Variants in RAB6B observed in about 807,000 individuals in gnomAD.
The protein encoded by RAB6B is ras-related protein Rab-6B.
Under a neutral mutation model 31.2 loss-of-function variants are expected in RAB6B, and 7 were observed. The observed-to-expected ratio is 0.22, with a 90% CI of 0.13 to 0.42. The LOEUF is 0.42. Ranked by LOEUF, RAB6B falls within the 10% of genes least tolerant of loss-of-function variation. The pLI is 1.00. For synonymous variants in RAB6B, 105 were observed against 104.9 expected (o/e 1.00, Z -0.01); for missense variants, 149 against 280.6 (o/e 0.53, Z 3.35).
intron 1 of RAB6B, among the ~76,000 whole-genome samples, chr3:133,884,564 T>C (rs1232915215): frequency 6.6e-6 from 1 of 152,064 alleles, no homozygotes; most frequent in Non-Finnish European, 1.5e-5. Context: ...TAGGGGAAAA[T>C]ATCCAAGAAA....
chr3:133,844,608 A>G (rs1205692365), intron 2 of RAB6B, among the ~76,000 whole-genome samples: 4 of 152,236 alleles, frequency 2.6e-5, no homozygotes, highest in African/African-American at 9.6e-5. Context: ...GGAAAAATAC[A>G]AGAAATAACA....
intron 1 of RAB6B, among the ~76,000 whole-genome samples, 161 bp from the exon 2 acceptor site, chr3:133,864,803 G>A (rs3811645): frequency 0.27 from 41,759 of 152,046 alleles, 6,555 homozygotes; most frequent in Non-Finnish European, 0.37. Context: ...TAGGGACCCC[G>A]TGGTGAGGCC....
At chr3:133,886,995 T>C (rs1559914735) in intron 1 of RAB6B, among the ~76,000 whole-genome samples, 1 of 120,838 alleles carries the variant, frequency 8.3e-6, no homozygotes. Context: ...AAGCCCAGGA[T>C]GCAGGAGGAC....
intron 1 of RAB6B, among the ~76,000 whole-genome samples, chr3:133,877,605 A>G (rs541921803): frequency 5.9e-5 from 9 of 152,314 alleles, no homozygotes; most frequent in Non-Finnish European, 1.3e-4. Context: ...CTGGTATCCA[A>G]TAAAAAATTA....
chr3:133,894,085 C>A (rs555121565), intron 1 of RAB6B, among the ~76,000 whole-genome samples: 2 of 152,368 alleles, frequency 1.3e-5, no homozygotes, highest in Admixed American at 1.3e-4. Flanking sequence ...CCATAACCCT[C>A]ATGTACACAC....
rs1649230195 is a variant in RAB6B, at chr3:133,850,926, C to CG, written c.130-9264_130-9263insC. On this transcript the variant is annotated intron_variant, in intron 2 of 7. Transcript: ENST00000285208. ...ACAGTAGCCAGAGGAAAATGACACA[C>CG]CTCACGCAAGGAAATAACAGGGATG... Among the ~76,000 whole-genome samples the CG allele has an allele frequency of 2.6e-5, 4 of 151,136 alleles. 1 individual carries two copies. The highest frequency in any genetic ancestry group is 9.7e-5 in the African/African-American group (4 of 41,162).
intron 2 of RAB6B, among the ~76,000 whole-genome samples, chr3:133,854,025 T>C (rs1936039191): frequency 6.6e-6 from 1 of 152,184 alleles, no homozygotes; most frequent in Non-Finnish European, 1.5e-5. Context: ...AAAGGCTACA[T>C]ATTCTAGCCC....
At chr3:133,859,258 T>A (rs1240176757) in intron 2 of RAB6B, among the ~76,000 whole-genome samples, 1 of 152,192 alleles carries the variant, frequency 6.6e-6, no homozygotes, top group Admixed American at 6.5e-5. Context: ...GGATTACAGG[T>A]GTGAACCCCC....
At chr3:133,836,371 G>A (rs1055872344) in intron 6 of RAB6B, among the ~76,000 whole-genome samples, 3 of 152,232 alleles carry the variant, frequency 2.0e-5, no homozygotes, top group Admixed American at 6.5e-5. Context: ...TGGCCAAAAT[G>A]CCACTAGGGA....
intron 1 of RAB6B, among the ~76,000 whole-genome samples, chr3:133,887,901 C>G (rs1936571602): frequency 6.6e-6 from 1 of 152,184 alleles, no homozygotes; most frequent in African/African-American, 2.4e-5. Context: ...CCCATAGGCT[C>G]TATCAACTCC....
At chr3:133,837,415 C>T (rs1285486862) in intron 6 of RAB6B, among the ~76,000 whole-genome samples, 4 of 152,128 alleles carry the variant, frequency 2.6e-5, no homozygotes, top group African/African-American at 9.7e-5. Flanking sequence ...GTTCAAGATA[C>T]CTGCAACACT....
intron 2 of RAB6B, among the ~76,000 whole-genome samples, chr3:133,842,639 CA>C (rs1490934029): frequency 1.3e-5 from 2 of 152,016 alleles, no homozygotes; most frequent in Non-Finnish European, 2.9e-5. Flanking sequence ...AACAAATAAA[CA>C]AAAAACAGGT....
At chr3:133,834,932 G>GC (rs2107987491) in intron 6 of RAB6B, among the ~76,000 whole-genome samples, 1 of 152,336 alleles carries the variant, frequency 6.6e-6, no homozygotes, top group South Asian at 2.1e-4. Flanking sequence ...TTAGGTCATG[G>GC]CAGTGACTGC....
chr3:133,886,119 C>A (rs920539235), intron 1 of RAB6B, among the ~76,000 whole-genome samples: 6 of 152,170 alleles, frequency 3.9e-5, no homozygotes, highest in Non-Finnish European at 8.8e-5. Flanking sequence ...AATCCCACCA[C>A]CCTGAACCAC....
At chr3:133,860,698 T>C (rs575960866) in intron 2 of RAB6B, among the ~76,000 whole-genome samples, 198 of 152,190 alleles carry the variant, frequency 1.3e-3, no homozygotes, top group Non-Finnish European at 2.2e-3. Flanking sequence ...CAGGAAAGGA[T>C]CCAGCGCAGG....
At chr3:133,878,656 G>A (rs1389957823) in intron 1 of RAB6B, among the ~76,000 whole-genome samples, 1 of 152,168 alleles carries the variant, frequency 6.6e-6, no homozygotes, top group East Asian at 1.9e-4. Flanking sequence ...TATTATTTGA[G>A]TCTCTTTAAA....
chr3:133,856,207 C>T (rs1936073843), intron 2 of RAB6B, among the ~76,000 whole-genome samples: 1 of 152,104 alleles, frequency 6.6e-6, no homozygotes, highest in African/African-American at 2.4e-5. Flanking sequence ...GAGGGGACTA[C>T]ATTTCTAATT....
chr3:133,862,397 G>A (rs1936172388), intron 2 of RAB6B, among the ~76,000 whole-genome samples: 1 of 152,228 alleles, frequency 6.6e-6, no homozygotes, highest in Non-Finnish European at 1.5e-5. Flanking sequence ...CTCAGAGCCA[G>A]ATGCACACAG....
intron 1 of RAB6B, among the ~76,000 whole-genome samples, chr3:133,891,623 C>T (rs1051457793): frequency 1.6e-4 from 25 of 152,084 alleles, no homozygotes; most frequent in African/African-American, 3.9e-4. Flanking sequence ...GGCAGGAATA[C>T]GCTCAAAGAA....
Sources: allele counts gnomAD v4.1 joint callset (sites outside exome capture counted in the v4.1 genomes callset), GRCh38; gene constraint gnomAD v4.1.1; transcripts MANE v1.5; gene names NCBI Gene and HGNC (gene_info 2026-07-23, HGNC 2026-07-21).